DNAH12: variants seen among roughly 807,000 people sequenced by gnomAD.
DNAH12 encodes the protein axonemal beta dynein heavy chain 12.
Under a neutral mutation model 371.5 loss-of-function variants are expected in DNAH12, and 285 were observed. The ratio of observed to expected loss-of-function variants is 0.77; its 90% CI spans 0.70 to 0.85. DNAH12 has a LOEUF of 0.85. Ranked by LOEUF, DNAH12 falls within the 40% of genes least tolerant of loss-of-function variation. The probability of loss-of-function intolerance (pLI) is 0.00; values close to 1 mark genes in which losing one functional copy is unlikely to be tolerated. For synonymous variants in DNAH12, 1,200 were observed against 1,213.0 expected (o/e 0.99, Z 0.22); for missense variants, 3,611 against 3,689.4 (o/e 0.98, Z 0.55).
chr3:57,308,289 G>T (rs751024799), intron 69 of DNAH12, among the ~76,000 whole-genome samples: 1 of 152,034 alleles, frequency 6.6e-6, no homozygotes, highest in Non-Finnish European at 1.5e-5. Context: ...TAATGGACCG[G>T]ACTTTATTAG....
chr3:57,468,982 G>A lies in DNAH12; in HGVS notation c.2106-3C>T. The A allele has an allele frequency of 6.6e-7, 1 of 1,511,720 alleles. No homozygotes were observed. Among genetic ancestry groups the A allele is most frequent in the South Asian group, 1.3e-5 (1 of 75,142 alleles). 93.6% of individuals were successfully genotyped at this position (1,511,720 alleles called of 1,614,324 possible). ...CCAAAAACCCTCCATCCATCCACCT[G>A]AATGGAAAGAAAAAATATTATTAAA... On this transcript the variant is annotated splice_polypyrimidine_tract_variant and splice_region_variant and intron_variant, in intron 16 of 73. Coordinates refer to ENST00000495027, the MANE Select transcript of DNAH12 (RefSeq NM_001366028.2).
At chr3:57,529,749 CT>C (rs1168349571) in intron 2 of DNAH12, among the ~76,000 whole-genome samples, 2 of 151,840 alleles carry the variant, frequency 1.3e-5, no homozygotes, top group Admixed American at 1.3e-4. Flanking sequence ...CTCCTCTGAT[CT>C]TTATTATTTC....
At chr3:57,348,014 G>C (rs2062583345) in intron 60 of DNAH12, among the ~76,000 whole-genome samples, 2 of 152,070 alleles carry the variant, frequency 1.3e-5, no homozygotes, top group Admixed American at 1.3e-4. Context: ...TTGCACTCCT[G>C]GTACTTACCC....
intron 47 of DNAH12, 48 bp from the exon 48 acceptor site, chr3:57,385,477 C>T (rs1245126381): frequency 6.6e-6 from 1 of 152,318 alleles, no homozygotes; most frequent in East Asian, 1.9e-4. Flanking sequence ...GCTATAATTG[C>T]TATTGAAACC....
intron 62 of DNAH12, among the ~76,000 whole-genome samples, chr3:57,328,347 A>C (rs1333852196): frequency 2.7e-5 from 4 of 149,464 alleles, no homozygotes; most frequent in Admixed American, 6.7e-5. Flanking sequence ...CAGCACATCA[A>C]AAAGCTTATC....
intron 69 of DNAH12, among the ~76,000 whole-genome samples, chr3:57,305,337 C>T (rs182474356): frequency 1.6e-3 from 238 of 152,144 alleles, no homozygotes; most frequent in South Asian, 2.9e-3. Flanking sequence ...GACCTCTCCC[C>T]TCCTCCCCAG....
chr3:57,485,910 C>T (rs1267125871), intron 12 of DNAH12, among the ~76,000 whole-genome samples: 1 of 151,936 alleles, frequency 6.6e-6, no homozygotes. Flanking sequence ...ACACTAAAAT[C>T]TCAGAAATCA....
intron 23 of DNAH12, among the ~76,000 whole-genome samples, chr3:57,454,337 G>A (rs1048384779): frequency 6.6e-6 from 1 of 151,978 alleles, no homozygotes; most frequent in Non-Finnish European, 1.5e-5. Flanking sequence ...AAAATTAGCC[G>A]GGTGTGGTGG....
At chr3:57,470,705 A>T in intron 15 of DNAH12, 69 bp from the exon 16 acceptor site, 1 of 1,264,122 alleles carries the variant, frequency 7.9e-7, no homozygotes, top group Non-Finnish European at 1.1e-6. Flanking sequence ...ATCCTATGAT[A>T]CTGTGTACAA....
intron 8 of DNAH12, among the ~76,000 whole-genome samples, chr3:57,505,504 G>A (rs763979521): frequency 2.0e-5 from 3 of 151,340 alleles, no homozygotes; most frequent in Non-Finnish European, 4.4e-5. Context: ...GCAATGGCAC[G>A]ATCTTGACTC....
At position 57,433,772 on chromosome 3, in the gene DNAH12, G is replaced by A. The variant is rs573455319; in HGVS notation, c.4712C>T (p.Ala1571Val). Residue 1571 changes from alanine to valine, a missense_variant, in exon 31 of 74, where the codon GCG (alanine) becomes GTG (valine). Physicochemically the swap from Ala to Val is moderately conservative, Grantham distance 64 (BLOSUM62 0). Coordinates refer to ENST00000495027, the MANE Select transcript of DNAH12 (RefSeq NM_001366028.2). ...TTCATTCATTAAAGTTAGCGTATCC[G>A]CCAGCACATGCAGAACTTTTGTCTT... ...AAKTKVLHVL[A>V]DTLTLMNEHG... 47 of 1,550,374 alleles carry A rather than the reference G, an allele frequency of 3.0e-5. No homozygotes were observed. The highest frequency in any genetic ancestry group is 1.7e-4 in the Middle Eastern group (1 of 5,986).
Position 57,428,820 on chromosome 3 carries a change from G to A in DNAH12, c.5066C>T (p.Pro1689Leu). Reference protein sequence around the residue: ...FETMDLSQASPATVSRCGMIY... With the variant: ...FETMDLSQASLATVSRCGMIY... The stretch of plus-strand genomic sequence containing the variant: ...CATACCACAACGACTTACAGTGGCA[G>A]GCTAGAGAAAAAAGGCAACTTTTTG... Residue 1689 changes from proline to leucine, a missense_variant and splice_region_variant, in exon 34 of 74, where the codon CCT becomes CTT. Coordinates refer to ENST00000495027, the MANE Select transcript of DNAH12 (RefSeq NM_001366028.2). 2 of 1,516,064 alleles carry A rather than the reference G, an allele frequency of 1.3e-6. No homozygotes were observed. The highest frequency in any genetic ancestry group is 1.4e-5 in the African/African-American group (1 of 71,054). The allele number at this position is 1,516,064 out of a possible 1,614,324, so 93.9% of individuals were successfully genotyped here.
At position 57,507,761 on chromosome 3, in the gene DNAH12, A is replaced by G. The variant is rs909593094; in HGVS notation, c.779T>C (p.Met260Thr). 3.1e-6 allele frequency: 5 copies of G among 1,611,116 alleles called. No homozygotes were observed. Among genetic ancestry groups the G allele is most frequent in the South Asian group, 1.1e-5 (1 of 90,224 alleles). Reference sequence around the variant, plus strand: ...TATAACCTTTGGATACCATGTATTCATTATCTTCTCTTCTGCGTTTCTAGT... The same window carrying G: ...TATAACCTTTGGATACCATGTATTCGTTATCTTCTCTTCTGCGTTTCTAGT... ...IQTRNAEEKIMNTWYPKVINL... is the reference protein window; with the variant it reads ...IQTRNAEEKITNTWYPKVINL... Residue 260 changes from methionine (M) to threonine (T), a missense_variant, in exon 8 of 74, where the codon ATG becomes ACG. Transcript: ENST00000495027.
At chr3:57,445,777 A>G (rs960552144) in intron 27 of DNAH12, among the ~76,000 whole-genome samples, 3 of 152,026 alleles carry the variant, frequency 2.0e-5, no homozygotes, top group African/African-American at 7.2e-5. Flanking sequence ...TCATGAGGTC[A>G]GGAGATCAAG....
chr3:57,320,286 T>A (rs1293734456), intron 65 of DNAH12, among the ~76,000 whole-genome samples: 4 of 152,206 alleles, frequency 2.6e-5, no homozygotes, highest in Non-Finnish European at 4.4e-5. Flanking sequence ...ATATTACCAG[T>A]TCCTATAAGA....
chr3:57,483,099 GA>G (rs57454657), intron 13 of DNAH12, among the ~76,000 whole-genome samples: 4,072 of 135,482 alleles, frequency 0.03, 90 homozygotes, highest in African/African-American at 0.063. Flanking sequence ...GTGCAACATT[GA>G]AAAAAAAAAA....
intron 55 of DNAH12, among the ~76,000 whole-genome samples, chr3:57,371,446 C>A (rs1371118685): frequency 1.3e-5 from 2 of 151,980 alleles, no homozygotes; most frequent in African/African-American, 2.4e-5. Flanking sequence ...GCATTTCATA[C>A]TAAAAATCAC....
chr3:57,360,955 G>A (rs962747028), intron 58 of DNAH12, among the ~76,000 whole-genome samples: 17 of 152,048 alleles, frequency 1.1e-4, no homozygotes, highest in African/African-American at 3.4e-4. Flanking sequence ...ACCTTTCTGG[G>A]CCCTAGTTTC....
At chr3:57,409,006 A>G (rs2064124651) in intron 39 of DNAH12, among the ~76,000 whole-genome samples, 1 of 152,224 alleles carries the variant, frequency 6.6e-6, no homozygotes, top group Non-Finnish European at 1.5e-5. Flanking sequence ...ACTAAGTTAT[A>G]TACTAAAACT....
Sources: gnomAD v4.1 joint callset for allele counts (sites outside exome capture counted in the v4.1 genomes callset) on GRCh38, gnomAD v4.1.1 for gene constraint, MANE v1.5 for transcripts, NCBI Gene and HGNC (gene_info 2026-07-23, HGNC 2026-07-21) for gene names.